Variants in ANO3 observed in about 807,000 individuals in gnomAD.
The protein encoded by ANO3 is anoctamin 3.
Under a neutral mutation model 144.8 loss-of-function variants are expected in ANO3, and 99 were observed. The ratio of observed to expected loss-of-function variants is 0.68; its 90% CI spans 0.58 to 0.81. The LOEUF is 0.81. ANO3 is among the 30% of genes least tolerant of loss of function. The probability of loss-of-function intolerance (pLI) is 0.00; values close to 1 mark genes in which losing one functional copy is unlikely to be tolerated. For synonymous variants in ANO3, 414 were observed against 392.6 expected, an observed-to-expected ratio of 1.05 and a Z score of -0.64; for missense variants, 905 against 1,202.2, an observed-to-expected ratio of 0.75 and a Z score of 3.66.
chr11:26,542,559 AAAAG>A (rs576943226), intron 11 of ANO3, among the ~76,000 whole-genome samples: 8 of 152,196 alleles, frequency 5.3e-5, no homozygotes, highest in Admixed American at 3.9e-4. Flanking sequence ...CAAACCGAAA[AAAAG>A]AAAGAAAGAA....
At chr11:26,356,711 AT>A (rs1251422510) in intron 1 of ANO3, among the ~76,000 whole-genome samples, 1 of 152,210 alleles carries the variant, frequency 6.6e-6, no homozygotes, top group Non-Finnish European at 1.5e-5. Context: ...TCCAAAATGA[AT>A]TTCACTTGGT....
intron 26 of ANO3, among the ~76,000 whole-genome samples, 197 bp downstream of exon 26, chr11:26,656,678 T>C (rs914901572): frequency 6.6e-6 from 1 of 152,126 alleles, no homozygotes; most frequent in Non-Finnish European, 1.5e-5. Flanking sequence ...GTACATTAAT[T>C]TAAATACCAG....
intron 14 of ANO3, among the ~76,000 whole-genome samples, chr11:26,584,872 G>A (rs776126147): frequency 1.2e-4 from 18 of 152,206 alleles, no homozygotes; most frequent in Non-Finnish European, 2.1e-4. Context: ...ACTAAGTGCA[G>A]CCTGTTCATC....
chr11:26,253,942 G>A lies in ANO3; in HGVS notation c.155-55703G>A, dbSNP rs911017734. Among the ~76,000 whole-genome samples, 9 of 152,102 alleles carry A rather than the reference G, an allele frequency of 5.9e-5. No individual in the cohort carries two copies. The East Asian group carries it at 1.5e-3, about 26-fold the overall frequency. On this transcript the variant is annotated intron_variant, in intron 1 of 27. Transcript: ENST00000672621. ...TACCAAATGTCGAGCGAATTTTACA[G>A]GGTCCAGGATTTTAGTTTAGGAAAA...
intron 1 of ANO3, among the ~76,000 whole-genome samples, chr11:26,299,323 GAAT>G (rs1286706226): frequency 6.6e-6 from 1 of 152,164 alleles, no homozygotes; most frequent in African/African-American, 2.4e-5. Context: ...TGAAGGTTAA[GAAT>G]TCACTTTGGT....
At chr11:26,347,292 C>A (rs2133907695) in intron 1 of ANO3, among the ~76,000 whole-genome samples, 1 of 152,354 alleles carries the variant, frequency 6.6e-6, no homozygotes, top group African/African-American at 2.4e-5. Flanking sequence ...TGCCACAGAG[C>A]TGGCAGCTAA....
At position 26,643,334 on chromosome 11, in the gene ANO3, G is replaced by C; in HGVS notation, c.2428G>C (p.Gly810Arg). Residue 810 changes from glycine to arginine, a missense_variant and splice_region_variant, in exon 23 of 27, where the codon GGT becomes CGT. Transcript: ENST00000256737. ...RPLPARATDI[G>R]IWLGILEGIG... ...TTTGCCAGCCCGAGCAACTGACATA[G>C]GTAAGATTCGGAAGTTAAATGATTT... The C allele has an allele frequency of 6.2e-7, 1 of 1,613,692 alleles. No homozygotes were observed. The highest frequency in any genetic ancestry group is 1.1e-5 in the South Asian group (1 of 90,920).
At chr11:26,623,658 T>C (rs10835025) in intron 17 of ANO3, among the ~76,000 whole-genome samples, 44,200 of 152,014 alleles carry the variant, frequency 0.29, 6,777 homozygotes, top group South Asian at 0.46. Flanking sequence ...AATACAAATA[T>C]ATACGGTCTT....
chr11:26,472,620 G>A (rs1471896073), intron 4 of ANO3, among the ~76,000 whole-genome samples: 8 of 151,818 alleles, frequency 5.3e-5, no homozygotes, highest in Non-Finnish European at 8.8e-5. Context: ...TCACATTACT[G>A]GAAAATTATG....
intron 4 of ANO3, among the ~76,000 whole-genome samples, chr11:26,496,572 G>A (rs920681457): frequency 2.0e-5 from 3 of 152,130 alleles, no homozygotes; most frequent in African/African-American, 7.2e-5. Context: ...TACAAATGCA[G>A]ATTTGTTACA....
chr11:26,226,792 G>A (rs1987347), intron 1 of ANO3, among the ~76,000 whole-genome samples: 48,338 of 151,738 alleles, frequency 0.32, 8,500 homozygotes, highest in Non-Finnish European at 0.38. Context: ...TAAAATACAC[G>A]TAACATTTTC....
At chr11:26,193,002 G>C (rs578201195) in intron 1 of ANO3, among the ~76,000 whole-genome samples, 1 of 152,110 alleles carries the variant, frequency 6.6e-6, no homozygotes, top group Admixed American at 6.6e-5. Context: ...ATGGTGGTTT[G>C]CTGCACCCAT....
At chr11:26,462,581 C>T (rs940604843) in intron 3 of ANO3, among the ~76,000 whole-genome samples, 2 of 151,738 alleles carry the variant, frequency 1.3e-5, no homozygotes, top group Non-Finnish European at 2.9e-5. Flanking sequence ...TACTATTTCT[C>T]AGACTTTTTG....
At chr11:26,485,948 A>C (rs879913694) in intron 4 of ANO3, among the ~76,000 whole-genome samples, 6 of 152,230 alleles carry the variant, frequency 3.9e-5, no homozygotes, top group Non-Finnish European at 5.9e-5. Flanking sequence ...CTATGCATCC[A>C]ACAGGACTGA....
Position 26,486,667 on chromosome 11 carries a change from C to T in ANO3, c.433-21437C>T, listed in dbSNP as rs146114323. The stretch of plus-strand genomic sequence containing the variant: ...ACCCTGACATGAGATCTTAGTCCAG[C>T]GGAAACTACTGGCATCTTATACACT... On this transcript the variant is annotated intron_variant, in intron 4 of 26. Coordinates refer to ENST00000256737, the MANE Select transcript of ANO3 (RefSeq NM_031418.4). Among the ~76,000 whole-genome samples, 293 of 152,134 alleles carry T rather than the reference C, an allele frequency of 1.9e-3. 1 individual carries two copies. The highest frequency in any genetic ancestry group is 6.6e-3 in the African/African-American group (274 of 41,498).
upstream of ANO3, among the ~76,000 whole-genome samples, chr11:26,308,908 T>A (rs1448669594): frequency 6.6e-6 from 1 of 152,196 alleles, no homozygotes; most frequent in Non-Finnish European, 1.5e-5. Context: ...TTACAGCATT[T>A]CAAGGTAGTT....
intron 1 of ANO3, among the ~76,000 whole-genome samples, chr11:26,252,205 A>T (rs1473311906): frequency 6.6e-6 from 1 of 152,230 alleles, no homozygotes; most frequent in Admixed American, 6.5e-5. Context: ...TTTTTAAATG[A>T]CATATTTGTT....
rs541903139 is a variant in ANO3 at position 26,637,218 on chromosome 11, C to T, written c.2044-1926C>T. Reference sequence around the variant, plus strand: ...TAAAGTCATCAAGGCTTAATTTCAACAAAATTATAAATGGCCTGTCTTCCA... The same window carrying T: ...TAAAGTCATCAAGGCTTAATTTCAATAAAATTATAAATGGCCTGTCTTCCA... On this transcript the variant is annotated intron_variant, in intron 20 of 26. Transcript: ENST00000256737. Among the ~76,000 whole-genome samples the T allele has an allele frequency of 5.9e-5, 9 of 152,286 alleles. No individual in the cohort carries two copies. In the East Asian group the frequency reaches 1.7e-3, roughly 29 times the overall value.
At chr11:26,368,493 G>A (rs982835787) in intron 1 of ANO3, among the ~76,000 whole-genome samples, 4 of 151,990 alleles carry the variant, frequency 2.6e-5, no homozygotes, top group African/African-American at 9.7e-5. Context: ...TTTTTACCTA[G>A]TTTTATATGG....
Sources: gnomAD v4.1 joint callset for allele counts (sites outside exome capture counted in the v4.1 genomes callset) on GRCh38, gnomAD v4.1.1 for gene constraint, MANE v1.5 for transcripts, NCBI Gene and HGNC (gene_info 2026-07-23, HGNC 2026-07-21) for gene names.